KCNIP4: variants seen among roughly 807,000 people sequenced by gnomAD.
KCNIP4 encodes potassium voltage-gated channel interacting protein 4.
KCNIP4 carries 12 observed loss-of-function variants against 34.0 expected under a neutral mutation model. The observed-to-expected ratio is 0.35, with a 90% CI of 0.23 to 0.57. The LOEUF (loss-of-function observed/expected upper bound fraction) is 0.57. Ranked by LOEUF, KCNIP4 falls within the 20% of genes least tolerant of loss-of-function variation. The probability of loss-of-function intolerance (pLI) is 0.83; values close to 1 mark genes in which losing one functional copy is unlikely to be tolerated. For synonymous variants in KCNIP4, 124 were observed against 102.2 expected, an observed-to-expected ratio of 1.21 and a Z score of -1.29; for missense variants, 238 against 311.7, an observed-to-expected ratio of 0.76 and a Z score of 1.78.
intron 3 of KCNIP4, among the ~76,000 whole-genome samples, chr4:20,835,722 T>A (rs1718960782): frequency 6.6e-6 from 1 of 152,120 alleles, no homozygotes; most frequent in Admixed American, 6.6e-5. Context: ...TTTAGAAGAC[T>A]AAATTCAAAT....
intron 1 of KCNIP4, among the ~76,000 whole-genome samples, chr4:21,379,381 T>C (rs919029525): frequency 6.6e-6 from 1 of 152,140 alleles, no homozygotes; most frequent in Non-Finnish European, 1.5e-5. Flanking sequence ...AGACCTTAAA[T>C]CTATTCTCAA....
At chr4:21,658,054 T>G (rs767121210) in intron 1 of KCNIP4, among the ~76,000 whole-genome samples, 7 of 151,924 alleles carry the variant, frequency 4.6e-5, no homozygotes, top group Non-Finnish European at 7.4e-5. Context: ...TGGCCAGGAT[T>G]GTCTCAATCT....
chr4:21,811,514 A>G (rs553988616), intron 1 of KCNIP4, among the ~76,000 whole-genome samples: 3 of 152,322 alleles, frequency 2.0e-5, no homozygotes, highest in Admixed American at 2.0e-4. Flanking sequence ...GGACTTCTGA[A>G]TCTGCAGCAA....
intron 1 of KCNIP4, among the ~76,000 whole-genome samples, chr4:21,666,256 A>C (rs745873328): frequency 1.6e-4 from 25 of 152,226 alleles, no homozygotes; most frequent in Non-Finnish European, 3.5e-4. Flanking sequence ...CAGCTTGATG[A>C]GAAGATATAT....
At chr4:21,098,300 A>T (rs1747639558) in intron 1 of KCNIP4, among the ~76,000 whole-genome samples, 1 of 152,226 alleles carries the variant, frequency 6.6e-6, no homozygotes, top group Non-Finnish European at 1.5e-5. Flanking sequence ...GGCTGCATTA[A>T]ATAATAGATT....
chr4:21,304,069 CAGAGAGAGAGAGAGAGACAGAGAGAG>C, intron 1 of KCNIP4: 2 of 132,174 alleles, frequency 1.5e-5, no homozygotes, highest in Non-Finnish European at 2.4e-5. Context: ...GAGAGAGAGA[CAGAGAGAGAGAGAGAGACAGAGAGAG>C]AGAGAGAGAG....
At chr4:20,921,649 A>C (rs972082015) in intron 1 of KCNIP4, among the ~76,000 whole-genome samples, 2 of 152,252 alleles carry the variant, frequency 1.3e-5, no homozygotes, top group African/African-American at 2.4e-5. Context: ...AATTTAAAAA[A>C]TAGAATTGCA....
chr4:20,862,416 G>T (rs1722299443), intron 2 of KCNIP4, among the ~76,000 whole-genome samples: 1 of 152,048 alleles, frequency 6.6e-6, no homozygotes. Flanking sequence ...GGCAGAGGAA[G>T]GAAACAAGAA....
chr4:21,887,978 G>C (rs1417893458), intron 1 of KCNIP4, among the ~76,000 whole-genome samples: 1 of 151,988 alleles, frequency 6.6e-6, no homozygotes, highest in Admixed American at 6.6e-5. Context: ...GTTCAACTAT[G>C]ATAGTTCATA....
At chr4:21,913,955 G>A (rs1578139144) in intron 1 of KCNIP4, among the ~76,000 whole-genome samples, 1 of 152,168 alleles carries the variant, frequency 6.6e-6, no homozygotes, top group East Asian at 1.9e-4. Flanking sequence ...GAAAGTGGAT[G>A]TAGAGGAAGA....
chr4:21,931,051 T>C (rs1347772438), intron 1 of KCNIP4, among the ~76,000 whole-genome samples: 2 of 152,132 alleles, frequency 1.3e-5, no homozygotes, highest in Non-Finnish European at 2.9e-5. Flanking sequence ...ACCTCAGTCA[T>C]GATTTGGAGA....
At chr4:21,714,831 T>C (rs375166007) in intron 1 of KCNIP4, among the ~76,000 whole-genome samples, 1,824 of 3,156 alleles carry the variant, frequency 0.58, 345 homozygotes, top group African/African-American at 0.59. Context: ...TTTATTTTAT[T>C]TTATTTTATT....
intron 1 of KCNIP4, among the ~76,000 whole-genome samples, chr4:21,656,076 G>T (rs1747904763): frequency 1.3e-5 from 2 of 152,288 alleles, no homozygotes; most frequent in South Asian, 4.1e-4. Flanking sequence ...AGTTCTAGAT[G>T]CAGGAAGTCC....
intron 1 of KCNIP4, among the ~76,000 whole-genome samples, chr4:21,406,835 C>A (rs1001119459): frequency 6.6e-5 from 10 of 152,104 alleles, no homozygotes; most frequent in Admixed American, 2.0e-4. Flanking sequence ...AGCTTTCAGG[C>A]AAAAATTATT....
intron 1 of KCNIP4, among the ~76,000 whole-genome samples, chr4:21,337,505 T>C (rs1211512805): frequency 1.3e-5 from 2 of 152,188 alleles, no homozygotes; most frequent in Admixed American, 6.5e-5. Flanking sequence ...CTTTGGATTT[T>C]TGAATTTTAT....
chr4:21,874,418 G>T (rs547218297), intron 1 of KCNIP4, among the ~76,000 whole-genome samples: 1 of 152,184 alleles, frequency 6.6e-6, no homozygotes, highest in Admixed American at 6.5e-5. Context: ...TGAGCTCTCT[G>T]GCTTTCAGCT....
intron 1 of KCNIP4, among the ~76,000 whole-genome samples, chr4:21,158,062 A>G (rs554150070): frequency 6.6e-6 from 1 of 152,288 alleles, no homozygotes; most frequent in East Asian, 1.9e-4. Context: ...CGCATGTGAA[A>G]TGAACAATTT....
chr4:21,746,612 G>A (rs1342175412), intron 1 of KCNIP4, among the ~76,000 whole-genome samples: 1 of 151,558 alleles, frequency 6.6e-6, no homozygotes, highest in Non-Finnish European at 1.5e-5. Flanking sequence ...AGCACATTTA[G>A]ATATGAGCAT....
chr4:21,526,888 G>C (rs1351698872), intron 1 of KCNIP4, among the ~76,000 whole-genome samples: 1 of 152,070 alleles, frequency 6.6e-6, no homozygotes, highest in East Asian at 1.9e-4. Flanking sequence ...GAAATGCCTG[G>C]GCAATGTGAG....
Sources: gnomAD v4.1 joint callset for allele counts (sites outside exome capture counted in the v4.1 genomes callset) on GRCh38, gnomAD v4.1.1 for gene constraint, MANE v1.5 for transcripts, NCBI Gene and HGNC (gene_info 2026-07-23, HGNC 2026-07-21) for gene names.